Variants in NGLY1 observed in about 807,000 individuals in gnomAD.
NGLY1 encodes peptide-N(4)-(N-acetyl-beta-glucosaminyl)asparagine amidase.
NGLY1 carries 68 observed loss-of-function variants against 84.6 expected under a neutral mutation model. That is an observed-to-expected ratio of 0.80 (90% CI 0.66 to 0.98). The LOEUF is 0.98. Among genes scored for constraint, NGLY1 ranks in the 50% least tolerant of loss-of-function variants. NGLY1 has a pLI of 0.00. For synonymous variants in NGLY1, 280 were observed against 275.2 expected, an observed-to-expected ratio of 1.02 and a Z score of -0.17; for missense variants, 779 against 770.2, an observed-to-expected ratio of 1.01 and a Z score of -0.14.
chr3:25,764,130 C>T lies in NGLY1; in HGVS notation c.428G>A (p.Ser143Asn). Residue 143 changes from serine to asparagine, a missense_variant, in exon 3 of 12, where the codon AGT becomes AAT. Physicochemically the swap from Ser to Asn is conservative, Grantham distance 46. Coordinates refer to ENST00000280700, the MANE Select transcript of NGLY1 (RefSeq NM_018297.4). ...QLPTTPSSNP[S>N]GLNQHTRNRQ... The stretch of plus-strand genomic sequence containing the variant: ...GTTCCTTGTGTGCTGGTTTAACCCA[C>T]TGGGATTTGAAGATGGTGTTGTAGG... The T allele has an allele frequency of 2.5e-6, 4 of 1,614,160 alleles. No homozygotes were observed. Among genetic ancestry groups the T allele is most frequent in the Non-Finnish European group, 3.4e-6 (4 of 1,180,028 alleles).
Position 25,719,560 on chromosome 3 carries a change from T to C in NGLY1, c.1865A>G (p.Asp622Gly). ...VILEAELSRG[D>G]GDVAWQHTQL... ...GGTGTGTTGCCAAGCGACATCACCATCTCCTCTGCTTAATTCTGCTTCCAA... is the reference window on the plus strand; with the variant it reads ...GGTGTGTTGCCAAGCGACATCACCACCTCCTCTGCTTAATTCTGCTTCCAA... Residue 622 changes from aspartate to glycine, a missense_variant, in exon 12 of 12, where the codon GAT becomes GGT. Transcript: ENST00000280700. 6.2e-7 allele frequency: 1 copy of C among 1,614,006 alleles called. No homozygotes were observed.
chr3:25,785,054 C>T (rs1708571002), upstream of NGLY1, among the ~76,000 whole-genome samples: 2 of 150,624 alleles, frequency 1.3e-5, no homozygotes, highest in South Asian at 4.2e-4. Context: ...AGCTGTTGCT[C>T]CACAGACAAT....
chr3:25,737,560 T>C, intron 5 of NGLY1, 105 bp from the exon 6 acceptor site: 2 of 1,030,172 alleles, frequency 1.9e-6, no homozygotes, highest in Non-Finnish European at 2.7e-6. Context: ...TTTTTTTTTT[T>C]GAGACGGAGT....
upstream of NGLY1, among the ~76,000 whole-genome samples, chr3:25,787,686 T>G (rs192484935): frequency 3.9e-3 from 598 of 152,316 alleles, 4 homozygotes; most frequent in African/African-American, 0.014. Context: ...GCACTCCAAA[T>G]TATACCATGA....
At chr3:25,755,377 T>C in intron 3 of NGLY1, 2 of 1,353,628 alleles carry the variant, frequency 1.5e-6, no homozygotes, top group Non-Finnish European at 2.1e-6. Context: ...GTGCTGTTAG[T>C]AGCAAACCTA....
Position 25,749,758 on chromosome 3 carries a change from G to T in NGLY1, c.658+1340C>A, listed in dbSNP as rs375841520. On this transcript the variant is annotated intron_variant, in intron 4 of 11. Transcript: ENST00000280700. ...TCAAGGAGCTTGAAGTGCTGCTGAT[G>T]TGCAACAAAACTTACTGTGCTGAGA... 363 of 1,504,662 alleles carry T rather than the reference G, an allele frequency of 2.4e-4. 1 individual carries two copies. In the East Asian group the frequency reaches 6.4e-3, roughly 27 times the overall value. The allele number at this position is 1,504,662 out of a possible 1,614,324, so 93.2% of individuals were successfully genotyped here.
intron 2 of NGLY1, among the ~76,000 whole-genome samples, chr3:25,769,633 A>T (rs187811783): frequency 6.1e-4 from 93 of 152,296 alleles, no homozygotes; most frequent in Middle Eastern, 3.4e-3. Context: ...GAAAAAGAGT[A>T]TGAAGTTTCC....
At position 25,743,963 on chromosome 3, in the gene NGLY1, G is replaced by A. The variant is rs894472943; in HGVS notation, c.659-4164C>T. On this transcript the variant is annotated intron_variant, in intron 4 of 11. Transcript: ENST00000280700. ...AAAGCTCAGAAATCTCAGAGATAAG[G>A]GAAGCCTGATTTAGATGCTAAATTC... is the stretch of plus-strand genomic sequence containing the variant. 3.3e-5 allele frequency among the ~76,000 whole-genome samples: 5 copies of A among 152,042 alleles called. 1 individual carries two copies. Among genetic ancestry groups the A allele is most frequent in the Admixed American group, 3.3e-4 (5 of 15,260 alleles).
At chr3:25,758,166 T>C (rs764777688) in intron 3 of NGLY1, among the ~76,000 whole-genome samples, 3 of 152,248 alleles carry the variant, frequency 2.0e-5, no homozygotes, top group East Asian at 3.9e-4. Context: ...TACATTTTAG[T>C]GCAAAAAAGA....
intron 2 of NGLY1, among the ~76,000 whole-genome samples, chr3:25,767,426 G>A (rs1319081662): frequency 6.6e-6 from 1 of 151,814 alleles, no homozygotes; most frequent in East Asian, 1.9e-4. Flanking sequence ...TGAAAATATC[G>A]TCCAGTCAAT....
intron 2 of NGLY1, among the ~76,000 whole-genome samples, chr3:25,764,951 A>T (rs1040750158): frequency 2.0e-5 from 3 of 152,200 alleles, no homozygotes; most frequent in Non-Finnish European, 2.9e-5. Context: ...AAGAAATAAA[A>T]ATCATGTATT....
rs375618549 is a variant in NGLY1 at position 25,755,368 on chromosome 3, T to C, written c.493-4105A>G. On this transcript the variant is annotated intron_variant, in intron 3 of 11. Transcript: ENST00000280700. The stretch of plus-strand genomic sequence containing the variant: ...GGCTAGTTCTACGATTGACTGTTGG[T>C]GCTGTTAGTAGCAAACCTACCACTC... The C allele has an allele frequency of 6.0e-6, 8 of 1,325,318 alleles. No individual in the cohort carries two copies. The African/African-American group carries it at 7.2e-5, about 12-fold the overall frequency. 82.1% of individuals were successfully genotyped at this position (1,325,318 alleles called of 1,614,324 possible).
rs878977294 is a variant in NGLY1, at chr3:25,783,148, T to A, written c.131+112A>T. ...AGAACCAGCTCCAGGTCCCGGTCTG[T>A]CCGGGCGTCGCTGCCCTCTGAAGCT... On this transcript the variant is annotated intron_variant, in intron 1 of 11. Coordinates refer to ENST00000280700, the MANE Select transcript of NGLY1 (RefSeq NM_018297.4). The surrounding 1 kb of genome is among the most constrained non-coding windows in gnomAD (Gnocchi z 4.5). 2.1e-5 allele frequency: 21 copies of A among 1,009,866 alleles called. No homozygotes were observed. The highest frequency in any genetic ancestry group is 3.1e-4 in the Middle Eastern group (1 of 3,186). The allele number at this position is 1,009,866 out of a possible 1,614,324, so 62.6% of individuals were successfully genotyped here. A position where few individuals can be genotyped will look rare whatever the true frequency, so the allele number is the denominator to read the frequency against.
At chr3:25,762,237 C>T (rs1266306192) in intron 3 of NGLY1, among the ~76,000 whole-genome samples, 1 of 152,002 alleles carries the variant, frequency 6.6e-6, no homozygotes, top group Non-Finnish European at 1.5e-5. Flanking sequence ...TCTCTGGCTC[C>T]CTGACTTTGG....
intron 7 of NGLY1, chr3:25,734,908 C>A: frequency 2.5e-6 from 2 of 807,856 alleles, no homozygotes; most frequent in African/African-American, 1.8e-5. Context: ...AAATTTTATC[C>A]ATTTTTATTG....
intron 3 of NGLY1, chr3:25,754,931 T>C (rs1706957730): frequency 1.4e-6 from 1 of 717,356 alleles, no homozygotes; most frequent in Non-Finnish European, 2.6e-6. Context: ...TAACATGGAA[T>C]TGGGCAAGAT....
In NGLY1 at chr3:25,736,110, C is replaced by T. The variant is rs1559535370; in HGVS notation, c.1043G>A (p.Arg348Gln). The T allele has an allele frequency of 1.7e-5, 27 of 1,613,762 alleles. No individual in the cohort carries two copies. The highest frequency in any genetic ancestry group is 2.2e-5 in the East Asian group (1 of 44,848). Reference sequence around the variant, plus strand: ...TTCACATGCATCACAGTGCAGCCACCGCTGCTGAGAAGGAGAATAGACTTC... The same window carrying T: ...TTCACATGCATCACAGTGCAGCCACTGCTGCTGAGAAGGAGAATAGACTTC... ...WTEVYSPSQQ[R>Q]WLHCDACEDV... Residue 348 changes from arginine (R) to glutamine (Q), a missense_variant, in exon 7 of 12, where the codon CGG (arginine) becomes CAG (glutamine). Physicochemically the swap from Arg to Gln is conservative, Grantham distance 43 (BLOSUM62 1). Transcript: ENST00000280700.
upstream of NGLY1, chr3:25,783,994 G>A (rs1372606666): frequency 6.6e-6 from 1 of 152,298 alleles, no homozygotes; most frequent in African/African-American, 2.4e-5. This position sits in a 1 kb window ranked among gnomAD's most constrained non-coding sequence, Gnocchi z 4.5. Flanking sequence ...CAGCTATTAA[G>A]GTGGAGAAAC....
chr3:25,732,624 T>G, intron 8 of NGLY1, 141 bp from the exon 9 acceptor site: 1 of 560,910 alleles, frequency 1.8e-6, no homozygotes, highest in Non-Finnish European at 3.0e-6. Flanking sequence ...CATATATTAT[T>G]CAGAAAATAA....
Sources: allele counts gnomAD v4.1 joint callset (sites outside exome capture counted in the v4.1 genomes callset), GRCh38; gene constraint gnomAD v4.1.1; non-coding constraint Gnocchi (gnomAD v3.1); transcripts MANE v1.5; gene names NCBI Gene and HGNC (gene_info 2026-07-23, HGNC 2026-07-21).